Variants in COL12A1 observed in about 807,000 individuals in gnomAD.
The protein encoded by COL12A1 is collagen alpha-1(XII) chain.
A neutral mutation model predicts 349.7 loss-of-function variants in COL12A1; 114 were observed. The ratio of observed to expected loss-of-function variants is 0.33; its 90% CI spans 0.28 to 0.38. The LOEUF is 0.38. COL12A1 is among the 10% of genes least tolerant of loss of function. The pLI is 1.00. For synonymous variants in COL12A1, 1,369 were observed against 1,329.0 expected, an observed-to-expected ratio of 1.03 and a Z score of -0.66; for missense variants, 3,284 against 3,756.9, an observed-to-expected ratio of 0.87 and a Z score of 3.29.
At chr6:75,113,367 T>C (rs1768928959) in intron 50 of COL12A1, 54 bp from the exon 51 acceptor site, 11 of 1,178,486 alleles carry the variant, frequency 9.3e-6, no homozygotes, top group Non-Finnish European at 1.3e-5. Context: ...AATTTTTATT[T>C]AAAGTATTAG....
At chr6:75,183,707 T>A (rs1254891757) in intron 9 of COL12A1, 55 bp from the exon 10 acceptor site, 2 of 1,542,642 alleles carry the variant, frequency 1.3e-6, no homozygotes, top group African/African-American at 2.8e-5. Context: ...CATTAAAATA[T>A]ACATATCTAG....
intron 58 of COL12A1, among the ~76,000 whole-genome samples, chr6:75,098,533 C>A (rs1215742207): frequency 6.6e-6 from 1 of 152,180 alleles, no homozygotes; most frequent in Admixed American, 6.5e-5. Context: ...GTGGCACACA[C>A]CTGTGGTCCC....
intron 49 of COL12A1, 52 bp from the exon 50 acceptor site, chr6:75,113,796 G>GAAAAAAAAAAGAAAAAAAAAAAGAAAAA (rs1768952772): frequency 2.9e-6 from 4 of 1,383,030 alleles, no homozygotes; most frequent in Non-Finnish European, 3.9e-6. Context: ...AAAAAGAAAG[G>GAAAAAAAAAAGAAAAAAAAAAAGAAAAA]AAGAAAGAAA....
At position 75,085,803 on chromosome 6, in the gene COL12A1, G is replaced by T. The variant is rs572323084; in HGVS notation, c.*744C>A. The T allele has an allele frequency of 1.0e-5, 2 of 194,482 alleles. No homozygotes were observed. The highest frequency in any genetic ancestry group is 2.4e-4 in the East Asian group (2 of 8,196). The allele number at this position is 194,482 out of a possible 1,614,324, so 12.0% of individuals were successfully genotyped here. On this transcript the variant is annotated 3_prime_UTR_variant, in exon 66 of 66. Coordinates refer to ENST00000322507, the MANE Select transcript of COL12A1 (RefSeq NM_004370.6). ...GGGGGGTGAAAAGCAACTATCACCA[G>T]GTAATATACAGTACATGACATCTTC... is the stretch of plus-strand genomic sequence containing the variant.
Position 75,090,239 on chromosome 6 carries a change from G to A in COL12A1, c.8812C>T (p.Arg2938Cys), listed in dbSNP as rs778941390. The A allele has an allele frequency of 3.9e-5, 63 of 1,613,756 alleles. No individual in the cohort carries two copies. Among genetic ancestry groups the A allele is most frequent in the South Asian group, 6.6e-5 (6 of 91,072 alleles). Residue 2938 changes from arginine to cysteine, a missense_variant, in exon 63 of 66, where the codon CGC (arginine) becomes TGC (cysteine). Arg to Cys is a radical substitution (Grantham distance 180). Transcript: ENST00000322507. The surrounding 1 kb of genome is among the most constrained non-coding windows in gnomAD (Gnocchi z 4.1). ...GGACCCGGCGGGCCTGGCTGGTTGC[G>A]ACTGGACTGGTAATCATTTGGAATC... ...NQIPNDYQSS[R>C]NQPGPPGPPG...
rs1356145004 is a variant in COL12A1, at chr6:75,183,234, A to G, written c.1707T>C (p.Val569=). 2 of 1,614,106 alleles carry G rather than the reference A, an allele frequency of 1.2e-6. No homozygotes were observed. The highest frequency in any genetic ancestry group is 1.7e-6 in the Non-Finnish European group (2 of 1,180,030). Residue 569 remains valine, a synonymous_variant, in exon 10 of 66, where the codon GTT becomes GTC. Coordinates refer to ENST00000322507, the MANE Select transcript of COL12A1 (RefSeq NM_004370.6). ...DPAIKLRNSD[V]EIFAVGVKDA... is the part of the protein sequence containing the mutation. ...CCTTCACACCAACTGCAAAGATTTC[A>G]ACATCTGAATTCCTCAGTTTTATCG...
At chr6:75,196,772 T>TA (rs1188270381) in intron 2 of COL12A1, among the ~76,000 whole-genome samples, 1 of 152,074 alleles carries the variant, frequency 6.6e-6, no homozygotes. Context: ...AGCATGCTTT[T>TA]AAAAAAAATC....
chr6:75,111,064 A>G (rs939560615), intron 51 of COL12A1, among the ~76,000 whole-genome samples: 3 of 151,968 alleles, frequency 2.0e-5, no homozygotes, highest in Non-Finnish European at 4.4e-5. Flanking sequence ...TATGTTAATT[A>G]GCTTGATTGT....
At chr6:75,182,363 C>A (rs187921015) in intron 10 of COL12A1, among the ~76,000 whole-genome samples, 38 of 152,110 alleles carry the variant, frequency 2.5e-4, no homozygotes, top group African/African-American at 8.2e-4. Context: ...CTCCCCCAGC[C>A]CCCCCACCTT....
Position 75,183,418 on chromosome 6 carries a change from T to A in COL12A1, c.1523A>T (p.Asn508Ile), listed in dbSNP as rs1314743554. ...TKVEDIIEAI[N>I]TFPYRGGSTN... ...AGATCCTCCTCTGTAAGGGAAGGTGTTTATTGCTTCAATTATATCTTCAAC... is the reference window on the plus strand; with the variant it reads ...AGATCCTCCTCTGTAAGGGAAGGTGATTATTGCTTCAATTATATCTTCAAC... The change falls in exon 10 of 66, where the codon AAC (asparagine) becomes ATC (isoleucine). Residue 508 changes from asparagine to isoleucine, a missense_variant. Transcript: ENST00000322507. 1 of 1,614,204 alleles carries A rather than the reference T, an allele frequency of 6.2e-7. No individual in the cohort carries two copies. Among genetic ancestry groups the A allele is most frequent in the South Asian group, 1.1e-5 (1 of 91,074 alleles).
chr6:75,155,454 A>G (rs1767704523), intron 16 of COL12A1, among the ~76,000 whole-genome samples: 1 of 152,198 alleles, frequency 6.6e-6, no homozygotes, highest in African/African-American at 2.4e-5. Flanking sequence ...AATCCTGCTC[A>G]GGCCTAAATT....
chr6:75,165,880 A>G (rs1768271784), intron 13 of COL12A1, 101 bp from the exon 14 acceptor site: 1 of 1,191,926 alleles, frequency 8.4e-7, no homozygotes. Context: ...TGCTGGACTC[A>G]CACTCAATTT....
chr6:75,192,463 A>G (rs1769983014), intron 3 of COL12A1, 108 bp from the exon 4 acceptor site: 1 of 1,002,394 alleles, frequency 1.0e-6, no homozygotes, highest in Non-Finnish European at 1.4e-6. Flanking sequence ...TTCAGTATAT[A>G]CATTTTTTCA....
intron 56 of COL12A1, among the ~76,000 whole-genome samples, chr6:75,102,381 C>T (rs939706302): frequency 4.6e-5 from 7 of 151,606 alleles, no homozygotes; most frequent in Non-Finnish European, 1.0e-4. Context: ...TTAATAAAGT[C>T]AAATAAGTAG....
chr6:75,121,929 G>A (rs981152497), intron 43 of COL12A1, among the ~76,000 whole-genome samples: 2 of 148,460 alleles, frequency 1.3e-5, no homozygotes, highest in African/African-American at 5.0e-5. Flanking sequence ...TGATGATCTT[G>A]GCTCACTGCA....
In COL12A1 at chr6:75,090,144, G is replaced by A; in HGVS notation, c.8907C>T (p.Gly2969=). The A allele has an allele frequency of 6.2e-7, 1 of 1,613,904 alleles. No homozygotes were observed. Among genetic ancestry groups the A allele is most frequent in the Non-Finnish European group, 8.5e-7 (1 of 1,179,994 alleles). ...PGPGGRPGFP[G]TPGMQGPPGE... Reference sequence around the variant, plus strand: ...CAGGGGGTCCCTGCATCCCTGGTGTGCCCGGGAAGCCTGGCCGCCCCCCAG... The same window carrying A: ...CAGGGGGTCCCTGCATCCCTGGTGTACCCGGGAAGCCTGGCCGCCCCCCAG... Residue 2969 remains glycine, a synonymous_variant, in exon 63 of 66, where the codon GGC becomes GGT. Transcript: ENST00000322507. This position sits in a 1 kb window ranked among gnomAD's most constrained non-coding sequence, Gnocchi z 4.1.
At chr6:75,143,043 T>C (rs1179566234) in intron 26 of COL12A1, among the ~76,000 whole-genome samples, 1 of 152,232 alleles carries the variant, frequency 6.6e-6, no homozygotes, top group African/African-American at 2.4e-5. Flanking sequence ...GAGATTAATA[T>C]CACACAGCAA....
chr6:75,084,390 G>A lies in COL12A1; in HGVS notation c.*2157C>T, dbSNP rs890363859. On this transcript the variant is annotated 3_prime_UTR_variant, in exon 66 of 66. Coordinates refer to ENST00000322507, the MANE Select transcript of COL12A1 (RefSeq NM_004370.6). ...TTTCAGAAATAAATAATATAAGGCAGTGAAATTCACAATCTGCAGTTAAAA... is the reference window on the plus strand; with the variant it reads ...TTTCAGAAATAAATAATATAAGGCAATGAAATTCACAATCTGCAGTTAAAA... 1 of 152,728 alleles carries A rather than the reference G, an allele frequency of 6.5e-6. No homozygotes were observed. The highest frequency in any genetic ancestry group is 2.4e-5 in the African/African-American group (1 of 41,560). 9.5% of individuals were successfully genotyped at this position (152,728 alleles called of 1,614,324 possible). A position where few individuals can be genotyped will look rare whatever the true frequency, so the allele number is the denominator to read the frequency against.
intron 3 of COL12A1, among the ~76,000 whole-genome samples, chr6:75,192,787 A>T (rs1265412891): frequency 6.6e-6 from 1 of 152,106 alleles, no homozygotes; most frequent in Non-Finnish European, 1.5e-5. Context: ...AAAGAAAACA[A>T]ACCCCATAGG....
Sources: gnomAD v4.1 joint callset for allele counts (sites outside exome capture counted in the v4.1 genomes callset) on GRCh38, gnomAD v4.1.1 for gene constraint, Gnocchi (gnomAD v3.1) non-coding constraint, MANE v1.5 for transcripts, NCBI Gene and HGNC (gene_info 2026-07-23, HGNC 2026-07-21) for gene names.